TUSC3: variants seen among roughly 807,000 people sequenced by gnomAD.
TUSC3 encodes the protein dolichyl-diphosphooligosaccharide--protein glycosyltransferase subunit TUSC3.
TUSC3 carries 45 observed loss-of-function variants against 44.8 expected under a neutral mutation model. That is an observed-to-expected ratio of 1.00 (90% CI 0.79 to 1.29). The LOEUF (loss-of-function observed/expected upper bound fraction) is 1.29, where lower values mean the gene tolerates loss of function less well. Ranked by LOEUF, TUSC3 falls within the 50% of genes most tolerant of loss-of-function variation. The pLI is 0.00. For synonymous variants in TUSC3, 212 were observed against 152.9 expected, an observed-to-expected ratio of 1.39 and a Z score of -2.85; for missense variants, 519 against 437.9, an observed-to-expected ratio of 1.19 and a Z score of -1.65.
At chr8:15,592,071 A>G (rs988622745) in intron 1 of TUSC3, among the ~76,000 whole-genome samples, 1 of 152,192 alleles carries the variant, frequency 6.6e-6, no homozygotes, top group Non-Finnish European at 1.5e-5. Context: ...GAAGAGAAGG[A>G]AAGTTATTCA....
chr8:15,792,472 A>G, the TUSC3 span, among the ~76,000 whole-genome samples: 1 of 152,230 alleles, frequency 6.6e-6, no homozygotes, highest in Non-Finnish European at 1.5e-5. Context: ...AATTTAGCCT[A>G]GAGTAAAAAC....
At chr8:15,730,813 A>C (rs531300917) in intron 7 of TUSC3, 84 bp downstream of exon 7, 1 of 1,342,152 alleles carries the variant, frequency 7.5e-7, no homozygotes, top group Non-Finnish European at 1.1e-6. Flanking sequence ...GGCAGTAAAT[A>C]TCAAGACTTT....
At chr8:15,653,624 C>T (rs947637139) in intron 3 of TUSC3, among the ~76,000 whole-genome samples, 1 of 151,476 alleles carries the variant, frequency 6.6e-6, no homozygotes, top group Non-Finnish European at 1.5e-5. Flanking sequence ...AAAATCTAGT[C>T]CTTGGCTTAG....
chr8:15,555,139 CTTTTTTTTTTTTTT>C (rs60676527), intron 1 of TUSC3, among the ~76,000 whole-genome samples: 1 of 93,582 alleles, frequency 1.1e-5, no homozygotes, highest in African/African-American at 4.0e-5. Flanking sequence ...TAATAGCAGT[CTTTTTTTTTTTTTT>C]TTTTTTTTTG....
upstream of TUSC3, among the ~76,000 whole-genome samples, chr8:15,536,336 T>A (rs1009329594): frequency 2.6e-5 from 4 of 152,044 alleles, no homozygotes; most frequent in African/African-American, 9.7e-5. Flanking sequence ...GAGATAATAC[T>A]TTACACTGAT....
intron 1 of TUSC3, among the ~76,000 whole-genome samples, chr8:15,473,137 C>A (rs1800518659): frequency 6.6e-6 from 1 of 152,136 alleles, no homozygotes; most frequent in Middle Eastern, 3.2e-3. Context: ...ATAGTATGTG[C>A]TCAGCAAAAG....
At chr8:15,612,358 A>G (rs551775113) in intron 1 of TUSC3, among the ~76,000 whole-genome samples, 4 of 152,188 alleles carry the variant, frequency 2.6e-5, no homozygotes, top group African/African-American at 7.2e-5. Flanking sequence ...AACAAACAAG[A>G]AAGAGTAAAA....
chr8:15,795,839 A>G, the TUSC3 span, among the ~76,000 whole-genome samples: 1 of 152,200 alleles, frequency 6.6e-6, no homozygotes, highest in Non-Finnish European at 1.5e-5. Context: ...GAGGGACTGC[A>G]TGAGGTCAGC....
chr8:15,541,055 A>G (rs569128753), intron 1 of TUSC3, among the ~76,000 whole-genome samples: 3 of 152,154 alleles, frequency 2.0e-5, no homozygotes, highest in African/African-American at 4.8e-5. Flanking sequence ...CTCGGTGTAT[A>G]CTTGTGAGAA....
chr8:15,532,131 T>C lies in TUSC3; in HGVS notation n.189+48648T>C, dbSNP rs918781867. ...CCTTGCAGATAGGAGATAACTAGCT[T>C]AGTATACTGATAATTTAATATTTAT... On this transcript the variant is annotated intron_variant and non_coding_transcript_variant, in intron 2 of 5. Coordinates refer to the TUSC3 transcript ENST00000503191. Among the ~76,000 whole-genome samples, 4 of 152,290 alleles carry C rather than the reference T, an allele frequency of 2.6e-5. No individual in the cohort carries two copies. In the East Asian group the frequency reaches 5.8e-4, roughly 22 times the overall value.
In TUSC3 at chr8:15,707,853, G is replaced by T. The variant is rs190365786; in HGVS notation, c.799-22813G>T. Among the ~76,000 whole-genome samples the T allele has an allele frequency of 1.3e-4, 19 of 151,938 alleles. No individual in the cohort carries two copies. In the East Asian group the frequency reaches 3.5e-3, roughly 28 times the overall value. ...AAGTACAAAATCAAAAGATTAGCGG[G>T]GTTGGTTTTTTTGGAGGTTCTAAGG... On this transcript the variant is annotated intron_variant, in intron 6 of 10. Transcript: ENST00000503731.
At chr8:15,733,472 T>C in intron 7 of TUSC3, 1 of 348,834 alleles carries the variant, frequency 2.9e-6, no homozygotes, top group Non-Finnish European at 5.6e-6. Context: ...GATGAAAAGC[T>C]GTGTTGAGAT....
chr8:15,534,511 T>A (rs4300003), intron 2 of TUSC3, among the ~76,000 whole-genome samples: 10 of 151,620 alleles, frequency 6.6e-5, no homozygotes, highest in Admixed American at 1.3e-4. Context: ...GGCTTGGTGG[T>A]GGGCTCCTGT....
At chr8:15,583,257 A>G (rs1803450765) in intron 1 of TUSC3, among the ~76,000 whole-genome samples, 1 of 152,238 alleles carries the variant, frequency 6.6e-6, no homozygotes, top group African/African-American at 2.4e-5. Context: ...ATATTTGATC[A>G]CAGTGATTAT....
chr8:15,792,778 C>G, the TUSC3 span, among the ~76,000 whole-genome samples: 1 of 151,886 alleles, frequency 6.6e-6, no homozygotes, highest in Non-Finnish European at 1.5e-5. Context: ...ACCACCACAA[C>G]CAGGTAATTT....
intron 1 of TUSC3, among the ~76,000 whole-genome samples, chr8:15,573,071 T>G (rs191611491): frequency 2.3e-4 from 35 of 151,836 alleles, no homozygotes; most frequent in Middle Eastern, 3.4e-3. Context: ...ACCTTCAATT[T>G]GTAAAAAATG....
At chr8:15,761,773 A>G (rs951541624) in intron 10 of TUSC3, among the ~76,000 whole-genome samples, 3 of 152,140 alleles carry the variant, frequency 2.0e-5, no homozygotes, top group African/African-American at 7.2e-5. Flanking sequence ...AGTTTTCATT[A>G]TTGACAGTTG....
chr8:15,810,449 G>A, the TUSC3 span, among the ~76,000 whole-genome samples: 5 of 152,070 alleles, frequency 3.3e-5, no homozygotes, highest in Non-Finnish European at 5.9e-5. Flanking sequence ...AGCAGCCTGG[G>A]CAACATAGGG....
chr8:15,713,608 G>A (rs1809946337), intron 6 of TUSC3, among the ~76,000 whole-genome samples: 1 of 152,050 alleles, frequency 6.6e-6, no homozygotes, highest in African/African-American at 2.4e-5. Flanking sequence ...AGTCAGCAGG[G>A]CGAGTTTGAG....
Sources: gnomAD v4.1 joint callset for allele counts (sites outside exome capture counted in the v4.1 genomes callset) on GRCh38, gnomAD v4.1.1 for gene constraint, MANE v1.5 for transcripts, NCBI Gene and HGNC (gene_info 2026-07-23, HGNC 2026-07-21) for gene names.